Variants in ZMYND8 observed in about 807,000 individuals in gnomAD.
ZMYND8 encodes zinc finger MYND-type containing 8.
In ZMYND8, 37 loss-of-function variants were observed where a neutral mutation model predicts 140.8. That is an observed-to-expected ratio of 0.26 (90% CI 0.20 to 0.35). The LOEUF (loss-of-function observed/expected upper bound fraction) is 0.35. ZMYND8 is among the 10% of genes least tolerant of loss of function. The pLI, the probability that ZMYND8 is intolerant of heterozygous loss-of-function variation, is 1.00. For missense variants in ZMYND8, 1,068 were observed against 1,570.0 expected, an observed-to-expected ratio of 0.68 and a Z score of 5.40; for synonymous variants, 592 against 597.1, an observed-to-expected ratio of 0.99 and a Z score of 0.12.
intron 2 of ZMYND8, among the ~76,000 whole-genome samples, chr20:47,341,152 G>A (rs2081843621): frequency 6.6e-6 from 1 of 152,162 alleles, no homozygotes; most frequent in South Asian, 2.1e-4. Context: ...ACGAGAGAAT[G>A]AACTCATGTT....
intron 2 of ZMYND8, among the ~76,000 whole-genome samples, chr20:47,333,293 A>C (rs60854790): frequency 0.25 from 37,455 of 151,838 alleles, 8,099 homozygotes; most frequent in African/African-American, 0.59. Context: ...TCCCTTGAGG[A>C]CACCATTGCA....
At chr20:47,212,574 C>T in intron 22 of ZMYND8, 68 bp downstream of exon 22, 1 of 1,553,168 alleles carries the variant, frequency 6.4e-7, no homozygotes, top group South Asian at 1.1e-5. Flanking sequence ...CACGGACACA[C>T]ACAGAACAAG....
At chr20:47,313,553 C>G (rs913649972) in intron 2 of ZMYND8, among the ~76,000 whole-genome samples, 1 of 151,530 alleles carries the variant, frequency 6.6e-6, no homozygotes, top group African/African-American at 2.4e-5. Context: ...ACCTGGGAGG[C>G]GGAGCTTGCA....
At chr20:47,305,290 A>G (rs1480987928) in intron 3 of ZMYND8, among the ~76,000 whole-genome samples, 1 of 150,696 alleles carries the variant, frequency 6.6e-6, no homozygotes, top group Admixed American at 6.6e-5. Context: ...TCTGTCACCC[A>G]GGCTGGAGTG....
intron 2 of ZMYND8, among the ~76,000 whole-genome samples, chr20:47,346,281 C>G (rs1315954109): frequency 1.3e-5 from 2 of 152,106 alleles, no homozygotes; most frequent in Non-Finnish European, 2.9e-5. Flanking sequence ...GGCACGTGCT[C>G]CTGCAACATC....
At chr20:47,232,818 A>G (rs1467787700) in intron 16 of ZMYND8, among the ~76,000 whole-genome samples, 1 of 151,970 alleles carries the variant, frequency 6.6e-6, no homozygotes, top group African/African-American at 2.4e-5. Context: ...AATCCTACAG[A>G]TTGCTTCAGC....
chr20:47,262,820 A>C (rs1031339746), intron 11 of ZMYND8, among the ~76,000 whole-genome samples: 2 of 152,306 alleles, frequency 1.3e-5, no homozygotes, highest in African/African-American at 4.8e-5. Context: ...ACAAATGCGT[A>C]TCATCTGTTT....
intron 1 of ZMYND8, chr20:47,356,326 A>C: frequency 7.2e-7 from 1 of 1,380,906 alleles, no homozygotes; most frequent in East Asian, 3.3e-5. Flanking sequence ...GAGAGGGAAG[A>C]GGGAAAGAAA....
At chr20:47,231,496 C>G (rs562111089) in intron 16 of ZMYND8, among the ~76,000 whole-genome samples, 1 of 152,158 alleles carries the variant, frequency 6.6e-6, no homozygotes, top group Admixed American at 6.5e-5. Flanking sequence ...TTACCTGCCA[C>G]GGAGTAGGTG....
intron 22 of ZMYND8, 152 bp downstream of exon 22, chr20:47,212,490 G>T: frequency 3.6e-6 from 3 of 838,290 alleles, no homozygotes; most frequent in Middle Eastern, 3.6e-4. Flanking sequence ...GAGGCACAGC[G>T]AAGAAGAAAC....
intron 2 of ZMYND8, among the ~76,000 whole-genome samples, chr20:47,331,462 GA>G (rs2148451954): frequency 6.6e-6 from 1 of 152,334 alleles, no homozygotes; most frequent in Admixed American, 6.5e-5. Flanking sequence ...AGACGCCCAT[GA>G]ACAGGCAGGG....
intron 12 of ZMYND8, among the ~76,000 whole-genome samples, chr20:47,261,940 A>G (rs575822957): frequency 5.4e-4 from 82 of 152,138 alleles, no homozygotes; most frequent in African/African-American, 1.9e-3. Flanking sequence ...GTGTGGTGGC[A>G]TACTCCTGTA....
intron 12 of ZMYND8, among the ~76,000 whole-genome samples, chr20:47,259,894 G>A (rs1260845751): frequency 6.6e-6 from 1 of 152,046 alleles, no homozygotes; most frequent in South Asian, 2.1e-4. Context: ...CCAATCCCAC[G>A]TACACGTCAA....
intron 10 of ZMYND8, 84 bp downstream of exon 10, chr20:47,282,018 G>T: frequency 9.2e-7 from 1 of 1,085,590 alleles, no homozygotes; most frequent in Non-Finnish European, 1.3e-6. Flanking sequence ...AATAATAGCT[G>T]CAGCCTCCAC....
chr20:47,350,604 A>C (rs768717942), intron 1 of ZMYND8, among the ~76,000 whole-genome samples: 4 of 152,154 alleles, frequency 2.6e-5, no homozygotes, highest in African/African-American at 4.8e-5. Context: ...TAGGTTAAGA[A>C]CTGTTCAGTC....
At chr20:47,212,816 GCTA>G in intron 21 of ZMYND8, 91 bp from the exon 22 acceptor site, 2 of 1,184,334 alleles carry the variant, frequency 1.7e-6, no homozygotes, top group South Asian at 1.5e-5. Flanking sequence ...TCATCAACAG[GCTA>G]CTGTTATTAG....
rs3092386 is a variant in ZMYND8 at position 47,305,561 on chromosome 20, C to CAA, written c.234+4493_234+4494dup. Among the ~76,000 whole-genome samples the CAA allele has an allele frequency of 2.9e-3, 369 of 126,584 alleles. 3 individuals are homozygous for CAA. Among genetic ancestry groups the CAA allele is most frequent in the East Asian group, 0.02 (87 of 4,402 alleles). 83.0% of individuals were successfully genotyped at this position (126,584 alleles called of 152,430 possible). A position where few individuals can be genotyped will look rare whatever the true frequency, so the allele number is the denominator to read the frequency against. On this transcript the variant is annotated intron_variant, in intron 3 of 22. Coordinates refer to ENST00000471951, the MANE Select transcript of ZMYND8 (RefSeq NM_001281775.3). The stretch of plus-strand genomic sequence containing the variant: ...TGGGCCTGCAAAGCCTTGTTTCTTT[C>CAA]AAAAAAAAAAAAAAGCAAGCAAAAA...
At chr20:47,263,885 T>A (rs917438569) in intron 11 of ZMYND8, among the ~76,000 whole-genome samples, 1 of 152,220 alleles carries the variant, frequency 6.6e-6, no homozygotes, top group African/African-American at 2.4e-5. Flanking sequence ...ATTTTCTATT[T>A]CCCCATTAAC....
chr20:47,222,858 T>C (rs990082252), intron 19 of ZMYND8, among the ~76,000 whole-genome samples: 1 of 152,276 alleles, frequency 6.6e-6, no homozygotes, highest in African/African-American at 2.4e-5. Flanking sequence ...GCCTGTTTTA[T>C]TGGCAGACAG....
Sources: allele counts gnomAD v4.1 joint callset (sites outside exome capture counted in the v4.1 genomes callset), GRCh38; gene constraint gnomAD v4.1.1; transcripts MANE v1.5; gene names NCBI Gene and HGNC (gene_info 2026-07-23, HGNC 2026-07-21).